The following CHERP variants were observed in gnomAD, a reference collection of about 807,000 sequenced individuals.
CHERP encodes calcium homeostasis endoplasmic reticulum protein, also known as ERPROT 213-21.
In CHERP, 8 loss-of-function variants were observed where a neutral mutation model predicts 113.8. The ratio of observed to expected loss-of-function variants is 0.07; its 90% confidence interval spans 0.04 to 0.13. CHERP has a LOEUF of 0.13. Ranked by LOEUF, CHERP falls within the 10% of genes least tolerant of loss-of-function variation. The pLI is 1.00. For synonymous variants in CHERP, 559 were observed against 524.5 expected (o/e 1.07, Z -0.90); for missense variants, 884 against 1,298.2 (o/e 0.68, Z 4.90).
chr19:16,527,659 A>AG (rs1486302980), intron 9 of CHERP, among the ~76,000 whole-genome samples: 1 of 152,204 alleles, frequency 6.6e-6, no homozygotes, highest in Non-Finnish European at 1.5e-5. Context: ...GAGGCCTCCC[A>AG]GGGGCAACAC....
intron 2 of CHERP, among the ~76,000 whole-genome samples, chr19:16,539,193 G>T (rs1195370302): frequency 1.3e-5 from 2 of 150,160 alleles, no homozygotes; most frequent in Non-Finnish European, 3.0e-5. Context: ...TGTCGCCCAG[G>T]CTGGAGTGCA....
In CHERP at chr19:16,520,792, G is replaced by GC. The variant is rs752530684; in HGVS notation, c.2201+33dup. 5.0e-6 allele frequency: 8 copies of GC among 1,595,646 alleles called. No homozygotes were observed. The South Asian group carries it at 6.6e-5, about 13-fold the overall frequency. Reference sequence around the variant, plus strand: ...CACCCATCACAAGCTGTGGACCCTGGCCCCCCGGCCACTGCAGACATCTGC... The same window carrying GC: ...CACCCATCACAAGCTGTGGACCCTGGCCCCCCCGGCCACTGCAGACATCTGC... On this transcript the variant is annotated intron_variant, in intron 13 of 16. Coordinates refer to ENST00000546361, the MANE Select transcript of CHERP (RefSeq NM_006387.6). The surrounding 1 kb of genome is among the most constrained non-coding windows in gnomAD (Gnocchi z 4.0).
At chr19:16,531,747 G>A (rs1471696981) in intron 5 of CHERP, among the ~76,000 whole-genome samples, 4 of 152,306 alleles carry the variant, frequency 2.6e-5, no homozygotes, top group African/African-American at 4.8e-5. Flanking sequence ...GTGCCGAGCC[G>A]CAACTCACTT....
At position 16,517,957 on chromosome 19, in the gene CHERP, C is replaced by T. The variant is rs763959734; in HGVS notation, c.*1202G>A. On this transcript the variant is annotated 3_prime_UTR_variant, in exon 17 of 17. Transcript: ENST00000546361. ...AATCCACAAGAAATTACTAACAGCA[C>T]GTGTTTACGTTTTATCCTGAATCAT... 10 of 152,258 alleles carry T rather than the reference C, an allele frequency of 6.6e-5. No individual in the cohort carries two copies. Among genetic ancestry groups the T allele is most frequent in the South Asian group, 2.1e-4 (1 of 4,836 alleles). 9.4% of individuals were successfully genotyped at this position (152,258 alleles called of 1,614,324 possible).
At position 16,525,288 on chromosome 19, in the gene CHERP, C is replaced by T. The variant is rs761951815; in HGVS notation, c.1695G>A (p.Pro565=). Residue 565 remains proline, a synonymous_variant, in exon 10 of 17, where the codon CCG becomes CCA. Transcript: ENST00000546361. This position sits in a 1 kb window ranked among gnomAD's most constrained non-coding sequence, Gnocchi z 6.5. The part of the protein sequence containing the change: ...DFPPRHPFER[P]PYPHRFDYPQ... ...GGTAGTCGAAGCGGTGGGGATAGGG[C>T]GGCCGCTCGAAGGGGTGCCGTGGCG... The T allele has an allele frequency of 2.0e-5, 29 of 1,446,668 alleles. No individual in the cohort carries two copies. Among genetic ancestry groups the T allele is most frequent in the Middle Eastern group, 1.9e-4 (1 of 5,290 alleles). 89.6% of individuals were successfully genotyped at this position (1,446,668 alleles called of 1,614,324 possible). A position where few individuals can be genotyped will look rare whatever the true frequency, so the allele number is the denominator to read the frequency against.
At chr19:16,537,351 G>A (rs2085748284) in intron 2 of CHERP, among the ~76,000 whole-genome samples, 1 of 151,838 alleles carries the variant, frequency 6.6e-6, no homozygotes, top group Admixed American at 6.6e-5. Context: ...CCTGTGTTCT[G>A]AGCCCTGTCC....
At position 16,535,223 on chromosome 19, in the gene CHERP, A is replaced by T. The variant is rs1599754004; in HGVS notation, c.384+229T>A. On this transcript the variant is annotated intron_variant, in intron 3 of 16. Transcript: ENST00000546361. The surrounding 1 kb of genome is among the most constrained non-coding windows in gnomAD (Gnocchi z 4.3). ...CCCACAGTCCCACTCAGGGGGGTCC[A>T]CCCCAGGGTGATGGGTGCACGCACG... Among the ~76,000 whole-genome samples, 1 of 152,304 alleles carries T rather than the reference A, an allele frequency of 6.6e-6. No homozygotes were observed. Among genetic ancestry groups the T allele is most frequent in the Admixed American group, 6.5e-5 (1 of 15,300 alleles).
intron 9 of CHERP, among the ~76,000 whole-genome samples, chr19:16,527,099 C>T (rs1199531697): frequency 6.6e-6 from 1 of 152,210 alleles, no homozygotes; most frequent in Admixed American, 6.5e-5. Context: ...GCAGGATGCA[C>T]TGCTGGCCTA....
chr19:16,530,755 C>T lies in CHERP; in HGVS notation c.786+14G>A, dbSNP rs373240609. On this transcript the variant is annotated intron_variant, in intron 6 of 16. Transcript: ENST00000546361. This position sits in a 1 kb window ranked among gnomAD's most constrained non-coding sequence, Gnocchi z 4.1. ...TCCCGGTCTTGCCCAACCCCCGGCC[C>T]GGGGCCCACGCACCCGGGCGATCTT... 1.2e-4 allele frequency: 192 copies of T among 1,613,912 alleles called. 4 individuals carry two copies. In the South Asian group the frequency reaches 1.6e-3, roughly 14 times the overall value.
In CHERP at chr19:16,529,692, G is replaced by A. The variant is rs532235225; in HGVS notation, c.1085C>T (p.Pro362Leu). ...GATGGCAGGGGCAGGTGCTGGGGCC[G>A]GGGGTGGAGCAGGCGGTGGAGGCGT... is the stretch of plus-strand genomic sequence containing the variant. ...KATPPPPAPP[P>L]APAPAPAIPP... is the part of the protein sequence containing the mutation. Residue 362 changes from proline to leucine, a missense_variant, in exon 8 of 17, where the codon CCG (proline) becomes CTG (leucine). Pro to Leu is a moderately conservative substitution (Grantham distance 98, BLOSUM62 -3). This residue lies in a region of CHERP where 464 missense variants were observed against 590.1 expected (regional missense o/e 0.79). Transcript: ENST00000546361. 1.8e-5 allele frequency: 29 copies of A among 1,576,032 alleles called. No individual in the cohort carries two copies. Among genetic ancestry groups the A allele is most frequent in the African/African-American group, 1.1e-4 (8 of 74,418 alleles).
Position 16,529,809 on chromosome 19 carries a change from T to A in CHERP, c.968A>T (p.Glu323Val). ...QIQTLKTQHE[E>V]FVTSLAQQQQ... ...CTGCTGGGCCAGGCTGGTGACAAAC[T>A]CCTCGTGCTGCGTCTTGAGGGTCTG... Residue 323 changes from glutamate (E) to valine (V), a missense_variant, in exon 8 of 17, where the codon GAG (glutamate) becomes GTG (valine). Coordinates refer to ENST00000546361, the MANE Select transcript of CHERP (RefSeq NM_006387.6). The A allele has an allele frequency of 6.2e-7, 1 of 1,613,612 alleles. No homozygotes were observed. Among genetic ancestry groups the A allele is most frequent in the African/African-American group, 1.3e-5 (1 of 75,026 alleles).
At position 16,520,555 on chromosome 19, in the gene CHERP, C is replaced by G. The variant is rs2085602355; in HGVS notation, c.2202-48G>C. 1.3e-6 allele frequency: 2 copies of G among 1,574,462 alleles called. No individual in the cohort carries two copies. The highest frequency in any genetic ancestry group is 4.5e-5 in the East Asian group (2 of 44,606). On this transcript the variant is annotated intron_variant, in intron 13 of 16. Coordinates refer to ENST00000546361, the MANE Select transcript of CHERP (RefSeq NM_006387.6). The surrounding 1 kb of genome is among the most constrained non-coding windows in gnomAD (Gnocchi z 4.0). ...CAGGTGCCCCAGTGGATGGGCTGCACCCAGCCCACCCTGGCCCTCAGGTTC... is the reference window on the plus strand; with the variant it reads ...CAGGTGCCCCAGTGGATGGGCTGCAGCCAGCCCACCCTGGCCCTCAGGTTC...
chr19:16,520,317 C>A lies in CHERP; in HGVS notation c.2345+47G>T. 6.2e-7 allele frequency: 1 copy of A among 1,611,226 alleles called. No homozygotes were observed. Among genetic ancestry groups the A allele is most frequent in the Non-Finnish European group, 8.5e-7 (1 of 1,178,140 alleles). ...GCAGCAGCCAGGCGTCGTGGGGAGG[C>A]CACAGGAAGAGGCCTCAGGCACTGC... On this transcript the variant is annotated intron_variant, in intron 14 of 16. Coordinates refer to ENST00000546361, the MANE Select transcript of CHERP (RefSeq NM_006387.6). The surrounding 1 kb of genome is among the most constrained non-coding windows in gnomAD (Gnocchi z 4.0).
In CHERP at chr19:16,530,952, G is replaced by A; in HGVS notation, c.675-72C>T. 1 of 1,569,690 alleles carries A rather than the reference G, an allele frequency of 6.4e-7. No homozygotes were observed. Among genetic ancestry groups the A allele is most frequent in the Non-Finnish European group, 8.6e-7 (1 of 1,161,492 alleles). The stretch of plus-strand genomic sequence containing the variant: ...CGGCCACGCGCCCGTTACCATCGCG[G>A]CTCCAGCCTCAGCGCCCTCTGCCTT... On this transcript the variant is annotated intron_variant, in intron 5 of 16. Coordinates refer to ENST00000546361, the MANE Select transcript of CHERP (RefSeq NM_006387.6). The surrounding 1 kb of genome is among the most constrained non-coding windows in gnomAD (Gnocchi z 4.1).
rs2085652488 is a variant in CHERP, at chr19:16,525,615, G to A, written c.1368C>T (p.Asn456=). Residue 456 remains asparagine, a synonymous_variant, in exon 10 of 17, where the codon AAC becomes AAT. Transcript: ENST00000546361. The surrounding 1 kb of genome is among the most constrained non-coding windows in gnomAD (Gnocchi z 6.5). ...QGGPPHCPPW[N]NSHEGMWGEQ... is the part of the protein sequence containing the mutation. ...CGCCCCACATGCCCTCATGGCTGTT[G>A]TTCCAGGGGGGGCAGTGGGGTGGGC... The A allele has an allele frequency of 6.5e-7, 1 of 1,534,078 alleles. No homozygotes were observed. The highest frequency in any genetic ancestry group is 2.0e-5 in the Admixed American group (1 of 50,690).
Position 16,532,335 on chromosome 19 carries a change from A to G in CHERP, c.674+263T>C. The G allele has an allele frequency of 2.2e-6, 1 of 448,256 alleles. No individual in the cohort carries two copies. Among genetic ancestry groups the G allele is most frequent in the Non-Finnish European group, 4.0e-6 (1 of 250,624 alleles). The allele number at this position is 448,256 out of a possible 1,614,324, so 27.8% of individuals were successfully genotyped here. On this transcript the variant is annotated intron_variant, in intron 5 of 16. Coordinates refer to ENST00000546361, the MANE Select transcript of CHERP (RefSeq NM_006387.6). The surrounding 1 kb of genome is among the most constrained non-coding windows in gnomAD (Gnocchi z 4.4). ...AGTGCAGGGGACAGTGGCCCCCAGG[A>G]GACAGCAATGTGACAGGTGAGGCCG...
intron 12 of CHERP, chr19:16,521,294 G>A (rs1397945981): frequency 1.7e-5 from 10 of 575,042 alleles, no homozygotes; most frequent in South Asian, 9.2e-5. Context: ...ACGTGCCGCC[G>A]TGCCACACCT....
rs551459944 is a variant in CHERP, at chr19:16,521,044, G to A, written c.2115-132C>T. Reference sequence around the variant, plus strand: ...CTGTGGCTGTGGGCTCCGAGCATGGGCGCAGTAGAGCTTGGTTCAGTGTTC... The same window carrying A: ...CTGTGGCTGTGGGCTCCGAGCATGGACGCAGTAGAGCTTGGTTCAGTGTTC... On this transcript the variant is annotated intron_variant, in intron 12 of 16. Coordinates refer to ENST00000546361, the MANE Select transcript of CHERP (RefSeq NM_006387.6). 1.2e-4 allele frequency: 88 copies of A among 755,814 alleles called. No individual in the cohort carries two copies. In the African/African-American group the frequency reaches 1.4e-3, roughly 12 times the overall value. The allele number at this position is 755,814 out of a possible 1,614,324, so 46.8% of individuals were successfully genotyped here.
rs573270601 is a variant in CHERP, at chr19:16,518,469, T to A, written c.*690A>T. On this transcript the variant is annotated 3_prime_UTR_variant, in exon 17 of 17. Transcript: ENST00000546361. ...ATTCCAGAAAAAAAATATCAACTTA[T>A]ACAACTAAAATAACTGAACTAAGGG... 1 of 152,150 alleles carries A rather than the reference T, an allele frequency of 6.6e-6. No individual in the cohort carries two copies. Among genetic ancestry groups the A allele is most frequent in the East Asian group, 1.9e-4 (1 of 5,190 alleles). 9.4% of individuals were successfully genotyped at this position (152,150 alleles called of 1,614,324 possible).
Sources: gnomAD v4.1 joint callset for allele counts (sites outside exome capture counted in the v4.1 genomes callset) on GRCh38, gnomAD v4.1.1 for gene constraint, gnomAD v4.1.1 regional missense constraint, Gnocchi (gnomAD v3.1) non-coding constraint, MANE v1.5 for transcripts, NCBI Gene and HGNC (gene_info 2026-07-23, HGNC 2026-07-21) for gene names.